Variants in HPSE2 observed in about 807,000 individuals in gnomAD.
The protein encoded by HPSE2 is inactive heparanase-2.
In HPSE2, 38 loss-of-function variants were observed where a neutral mutation model predicts 60.5. That is an observed-to-expected ratio of 0.63 (90% CI 0.48 to 0.82). HPSE2 has a LOEUF of 0.82. Among genes scored for constraint, HPSE2 ranks in the 40% least tolerant of loss-of-function variants. The pLI is 0.00. For synonymous variants in HPSE2, 295 were observed against 293.2 expected (o/e 1.01, Z -0.06); for missense variants, 713 against 740.4 (o/e 0.96, Z 0.43).
chr10:98,477,562 G>A (rs1941070995), intron 11 of HPSE2, among the ~76,000 whole-genome samples: 1 of 152,208 alleles, frequency 6.6e-6, no homozygotes, highest in South Asian at 2.1e-4. Context: ...AAATGGAATT[G>A]AACAAGGCAC....
At chr10:98,992,935 A>T (rs1245874881) in intron 3 of HPSE2, among the ~76,000 whole-genome samples, 2 of 152,224 alleles carry the variant, frequency 1.3e-5, no homozygotes, top group East Asian at 3.8e-4. Flanking sequence ...CAATGGGGAT[A>T]ATAGTTATGG....
intron 6 of HPSE2, among the ~76,000 whole-genome samples, chr10:98,664,846 G>T (rs1231578906): frequency 6.6e-6 from 1 of 152,154 alleles, no homozygotes. Context: ...TCTCAGATGA[G>T]AAAGAATCAG....
chr10:98,559,610 C>T (rs542877912), intron 9 of HPSE2, among the ~76,000 whole-genome samples: 2 of 152,262 alleles, frequency 1.3e-5, no homozygotes, highest in Non-Finnish European at 2.9e-5. Flanking sequence ...ACTCACCGAC[C>T]GACAAACATT....
At chr10:98,694,413 T>A (rs561709228) in intron 5 of HPSE2, among the ~76,000 whole-genome samples, 5 of 152,338 alleles carry the variant, frequency 3.3e-5, no homozygotes, top group African/African-American at 1.2e-4. Context: ...AGTTTATTTA[T>A]ACAAGTAAAA....
At chr10:98,857,858 T>C (rs1258357445) in intron 3 of HPSE2, among the ~76,000 whole-genome samples, 1 of 152,150 alleles carries the variant, frequency 6.6e-6, no homozygotes, top group Admixed American at 6.6e-5. Flanking sequence ...TTATAAAATG[T>C]CCAAGTGATA....
At chr10:99,275,148 T>G in the HPSE2 span, among the ~76,000 whole-genome samples, 1 of 152,198 alleles carries the variant, frequency 6.6e-6, no homozygotes, top group Non-Finnish European at 1.5e-5. Flanking sequence ...TATTAGTTCC[T>G]TCCAAAAATA....
In HPSE2 at chr10:99,144,343, G is replaced by A. The variant is rs748418923; in HGVS notation, c.505C>T (p.His169Tyr). ...DKQKGCKIAQ[H>Y]PDVMLELQRE... ...TGGAGCTCCAGCATAACATCAGGGT[G>A]CTGGGCAATCTTGCAGCCTTTCTGT... is the stretch of plus-strand genomic sequence containing the variant. The change falls in exon 3 of 12, where the codon CAC becomes TAC. Residue 169 changes from histidine (H) to tyrosine (Y), a missense_variant. Transcript: ENST00000370552. 6.8e-6 allele frequency: 11 copies of A among 1,613,980 alleles called. No individual in the cohort carries two copies. In the Admixed American group the frequency reaches 1.7e-4, roughly 24 times the overall value.
chr10:98,595,167 T>C (rs1945197100), intron 9 of HPSE2, among the ~76,000 whole-genome samples: 1 of 70,562 alleles, frequency 1.4e-5, no homozygotes, highest in African/African-American at 4.7e-5. Flanking sequence ...AAATGAGATT[T>C]TTTTTTTTTT....
At chr10:99,238,838 G>C (rs141975783), upstream of HPSE2, among the ~76,000 whole-genome samples, 58 of 152,246 alleles carry the variant, frequency 3.8e-4, no homozygotes, top group African/African-American at 1.3e-3. Context: ...TAACTTCCTA[G>C]AAGACAAGTA....
At chr10:99,168,621 A>C (rs1268988846) in intron 2 of HPSE2, among the ~76,000 whole-genome samples, 1 of 152,186 alleles carries the variant, frequency 6.6e-6, no homozygotes, top group Non-Finnish European at 1.5e-5. Flanking sequence ...CTTAGCTTGC[A>C]GGTAGACTCA....
At chr10:99,222,846 A>G (rs1023485684) in intron 2 of HPSE2, among the ~76,000 whole-genome samples, 2 of 152,162 alleles carry the variant, frequency 1.3e-5, no homozygotes, top group Non-Finnish European at 2.9e-5. Context: ...CCTAACAACT[A>G]TTTTGTGTCA....
At chr10:98,913,602 T>C (rs1954039557) in intron 3 of HPSE2, among the ~76,000 whole-genome samples, 3 of 152,048 alleles carry the variant, frequency 2.0e-5, no homozygotes, top group African/African-American at 7.2e-5. Context: ...ATAACACCAC[T>C]CAAAAGACAC....
chr10:98,770,120 C>T (rs1298774683), intron 3 of HPSE2, among the ~76,000 whole-genome samples: 2 of 152,076 alleles, frequency 1.3e-5, no homozygotes, highest in African/African-American at 2.4e-5. Flanking sequence ...GAAAGTTCTC[C>T]GCTTTTAATT....
intron 2 of HPSE2, among the ~76,000 whole-genome samples, chr10:99,172,964 G>A (rs1343054585): frequency 6.6e-6 from 1 of 152,132 alleles, no homozygotes; most frequent in Non-Finnish European, 1.5e-5. Flanking sequence ...GCCTTAAAGA[G>A]TAAGTACAAG....
intron 2 of HPSE2, among the ~76,000 whole-genome samples, chr10:99,177,197 G>A (rs1405907764): frequency 6.6e-6 from 1 of 151,800 alleles, no homozygotes; most frequent in African/African-American, 2.4e-5. Context: ...TCATCTCTAT[G>A]AAGTAACTAC....
At chr10:98,595,403 C>T (rs1945206098) in intron 9 of HPSE2, among the ~76,000 whole-genome samples, 1 of 152,090 alleles carries the variant, frequency 6.6e-6, no homozygotes, top group African/African-American at 2.4e-5. Context: ...CTCTCCTGAC[C>T]TCGTGATCCA....
At chr10:98,511,116 T>C (rs2133742237) in intron 9 of HPSE2, among the ~76,000 whole-genome samples, 1 of 148,628 alleles carries the variant, frequency 6.7e-6, no homozygotes, top group Admixed American at 6.9e-5. Context: ...TAATGAAGTA[T>C]TTAATGTGTT....
chr10:98,550,721 G>T (rs1013673902), intron 9 of HPSE2, among the ~76,000 whole-genome samples: 2 of 151,860 alleles, frequency 1.3e-5, no homozygotes, highest in Admixed American at 1.3e-4. Flanking sequence ...TGATATGCCC[G>T]CCTCGGCCTC....
intron 3 of HPSE2, among the ~76,000 whole-genome samples, chr10:99,005,488 T>C (rs755038610): frequency 2.0e-5 from 3 of 152,140 alleles, no homozygotes; most frequent in Non-Finnish European, 4.4e-5. Context: ...AGCTCCAGAA[T>C]TTCTGTTTGA....
Sources: gnomAD v4.1 joint callset for allele counts (sites outside exome capture counted in the v4.1 genomes callset) on GRCh38, gnomAD v4.1.1 for gene constraint, MANE v1.5 for transcripts, NCBI Gene and HGNC (gene_info 2026-07-23, HGNC 2026-07-21) for gene names.